Variants in CCDC77 observed in about 807,000 individuals in gnomAD.
CCDC77 encodes coiled-coil domain containing 77.
CCDC77 carries 56 observed loss-of-function variants against 66.8 expected under a neutral mutation model. That is an observed-to-expected ratio of 0.84 (90% CI 0.68 to 1.05). The LOEUF (loss-of-function observed/expected upper bound fraction) is 1.05. Ranked by LOEUF, CCDC77 falls within the 50% of genes least tolerant of loss-of-function variation. CCDC77 has a pLI of 0.00. For synonymous variants in CCDC77, 196 were observed against 195.2 expected (o/e 1.00, Z -0.03); for missense variants, 570 against 576.8 (o/e 0.99, Z 0.12).
Position 441,980 on chromosome 12 carries a change from A to G in CCDC77, c.*60A>G. ...GGTGTGCTTCTTGAAACCTGAGGACAAGGTCATCTGCTGCCAGAAAATGTA... is the reference window on the plus strand; with the variant it reads ...GGTGTGCTTCTTGAAACCTGAGGACGAGGTCATCTGCTGCCAGAAAATGTA... On this transcript the variant is annotated 3_prime_UTR_variant, in exon 13 of 13. Transcript: ENST00000239830. The G allele has an allele frequency of 6.4e-7, 1 of 1,568,194 alleles. No homozygotes were observed. The highest frequency in any genetic ancestry group is 1.9e-4 in the Middle Eastern group (1 of 5,198).
intron 1 of CCDC77, chr12:389,910 TCC>T (rs1170034160): frequency 6.6e-6 from 1 of 152,190 alleles, no homozygotes; most frequent in Non-Finnish European, 1.5e-5. Context: ...GTCTAACCCA[TCC>T]CCTAAATCCT....
chr12:428,984 T>TTA, intron 6 of CCDC77, 119 bp downstream of exon 6: 1 of 573,096 alleles, frequency 1.7e-6, no homozygotes, highest in African/African-American at 1.9e-5. Context: ...GCCATCACAG[T>TTA]GCCTTGTTTG....
Position 433,061 on chromosome 12 carries a change from T to A in CCDC77, c.673-113T>A. On this transcript the variant is annotated intron_variant, in intron 8 of 12. Coordinates refer to ENST00000239830, the MANE Select transcript of CCDC77 (RefSeq NM_032358.4). ...ATGAACAAGAGGATTAGGATTGAGA[T>A]GTTTTTGTTTGTGTTTGTTTTTTAA... is the stretch of plus-strand genomic sequence containing the variant. The A allele has an allele frequency of 4.6e-6, 5 of 1,078,490 alleles. No individual in the cohort carries two copies. The South Asian group carries it at 7.7e-5, about 17-fold the overall frequency. 66.8% of individuals were successfully genotyped at this position (1,078,490 alleles called of 1,614,324 possible). A position where few individuals can be genotyped will look rare whatever the true frequency, so the allele number is the denominator to read the frequency against.
chr12:412,904 A>G (rs1945141199), intron 4 of CCDC77, among the ~76,000 whole-genome samples: 1 of 148,936 alleles, frequency 6.7e-6, no homozygotes, highest in South Asian at 2.1e-4. Context: ...ATCCGTATCT[A>G]TCTCCTTCTT....
Position 428,803 on chromosome 12 carries a change from T to G in CCDC77, c.448T>G (p.Leu150Val). 1 of 1,612,696 alleles carries G rather than the reference T, an allele frequency of 6.2e-7. No individual in the cohort carries two copies. Among genetic ancestry groups the G allele is most frequent in the Non-Finnish European group, 8.5e-7 (1 of 1,179,394 alleles). The change falls in exon 6 of 13, where the codon TTG (leucine) becomes GTG (valine). Residue 150 changes from leucine (L) to valine (V), a missense_variant. Leu to Val is a conservative substitution (Grantham distance 32, BLOSUM62 1). Coordinates refer to ENST00000239830, the MANE Select transcript of CCDC77 (RefSeq NM_032358.4). ...AGACAAGAAAAAGATTCAGAATCTC[T>G]TGGCTCTTGTGGGAACAGATGCTGG... Reference protein sequence around the residue: ...LEDKKKIQNLLALVGTDAGEV... With the variant: ...LEDKKKIQNLVALVGTDAGEV...
intron 1 of CCDC77, among the ~76,000 whole-genome samples, chr12:404,721 CTTTT>C (rs141950603): frequency 2.9e-5 from 4 of 137,598 alleles, no homozygotes; most frequent in African/African-American, 2.7e-5. Flanking sequence ...CTTCAAATTA[CTTTT>C]TTTTTTTTTT....
intron 1 of CCDC77, among the ~76,000 whole-genome samples, chr12:395,919 T>C (rs1438507855): frequency 6.6e-6 from 1 of 151,238 alleles, no homozygotes; most frequent in African/African-American, 2.4e-5. Flanking sequence ...ATAAAAAATA[T>C]AAAACAATAC....
chr12:389,673 T>C, intron 1 of CCDC77: 1 of 167,232 alleles, frequency 6.0e-6, no homozygotes, highest in Non-Finnish European at 1.3e-5. Flanking sequence ...GTGAGGAGGG[T>C]CCCTTTCCCT....
rs1945276505 is a variant in CCDC77 at position 416,379 on chromosome 12, A to ATG, written c.271-2114_271-2113insGT. Among the ~76,000 whole-genome samples the ATG allele has an allele frequency of 5.6e-4, 10 of 17,992 alleles. 1 individual carries two copies. The South Asian group carries it at 8.3e-3, about 15-fold the overall frequency. 11.8% of individuals were successfully genotyped at this position (17,992 alleles called of 152,430 possible). A position where few individuals can be genotyped will look rare whatever the true frequency, so the allele number is the denominator to read the frequency against. On this transcript the variant is annotated intron_variant, in intron 4 of 12. Coordinates refer to ENST00000239830, the MANE Select transcript of CCDC77 (RefSeq NM_032358.4). ...TGTGTGTGTGTGTGTGTGTGTGTGT[A>ATG]TATATATATATATATATATATATAT...
intron 1 of CCDC77, among the ~76,000 whole-genome samples, chr12:404,071 C>T (rs182983354): frequency 1.3e-5 from 2 of 152,360 alleles, no homozygotes; most frequent in Admixed American, 1.3e-4. Context: ...GTAATCCCAA[C>T]ACTGGCAGGC....
intron 1 of CCDC77, among the ~76,000 whole-genome samples, chr12:392,917 CAAAA>C (rs1477901178): frequency 6.6e-6 from 1 of 150,658 alleles, no homozygotes; most frequent in Non-Finnish European, 1.5e-5. Flanking sequence ...TTTTCCAAAA[CAAAA>C]AAATCTGGTG....
At chr12:404,484 G>A (rs1021015998) in intron 1 of CCDC77, among the ~76,000 whole-genome samples, 4 of 152,120 alleles carry the variant, frequency 2.6e-5, no homozygotes, top group East Asian at 1.9e-4. Flanking sequence ...GTAGAAGCCC[G>A]AGGCCTGGCT....
intron 2 of CCDC77, among the ~76,000 whole-genome samples, chr12:408,801 T>C (rs1347668386): frequency 6.6e-6 from 1 of 152,240 alleles, no homozygotes; most frequent in African/African-American, 2.4e-5. Flanking sequence ...TGTGTGCTTA[T>C]CCATTTAAAT....
intron 9 of CCDC77, among the ~76,000 whole-genome samples, chr12:436,200 C>T (rs1488451079): frequency 6.7e-6 from 1 of 148,196 alleles, no homozygotes; most frequent in Admixed American, 6.9e-5. Context: ...TCACTGCAAG[C>T]TCCGCCTCCC....
upstream of CCDC77, among the ~76,000 whole-genome samples, chr12:398,312 G>C (rs1162696242): frequency 6.6e-6 from 1 of 152,162 alleles, no homozygotes; most frequent in Non-Finnish European, 1.5e-5. Flanking sequence ...TTTTGGCAAT[G>C]TTCACAGCAT....
chr12:419,650 T>A (rs548298034), intron 5 of CCDC77, among the ~76,000 whole-genome samples: 2 of 99,140 alleles, frequency 2.0e-5, no homozygotes, highest in Non-Finnish European at 4.4e-5. Flanking sequence ...ACAGTGCTCT[T>A]CTGTGTGTGT....
At chr12:422,224 C>T (rs1945411786) in intron 5 of CCDC77, among the ~76,000 whole-genome samples, 1 of 151,716 alleles carries the variant, frequency 6.6e-6, no homozygotes, top group Non-Finnish European at 1.5e-5. Context: ...CTCCATGCTC[C>T]ATTACAGTGC....
chr12:412,634 G>A (rs1468110367), intron 4 of CCDC77, among the ~76,000 whole-genome samples: 1 of 152,204 alleles, frequency 6.6e-6, no homozygotes, highest in African/African-American at 2.4e-5. Flanking sequence ...ATTGCCAGAT[G>A]TTTCTGGAAT....
intron 1 of CCDC77, among the ~76,000 whole-genome samples, chr12:392,080 T>A (rs1944763632): frequency 6.6e-6 from 1 of 152,182 alleles, no homozygotes; most frequent in African/African-American, 2.4e-5. Flanking sequence ...GAGTCAATAG[T>A]ATTTGGGTTT....
Sources: allele counts gnomAD v4.1 joint callset (sites outside exome capture counted in the v4.1 genomes callset), GRCh38; gene constraint gnomAD v4.1.1; transcripts MANE v1.5; gene names NCBI Gene and HGNC (gene_info 2026-07-23, HGNC 2026-07-21).